Variants in KLF17 observed in about 807,000 individuals in gnomAD.
The protein encoded by KLF17 is KLF transcription factor 17, also known as Krueppel-like factor 17.
In KLF17, 31 loss-of-function variants were observed where a neutral mutation model predicts 34.2. The ratio of observed to expected loss-of-function variants is 0.91; its 90% CI spans 0.68 to 1.22. The LOEUF is 1.22. Among genes scored for constraint, KLF17 ranks in the 50% most tolerant of loss-of-function variants. The pLI is 0.00. For missense variants in KLF17, 478 were observed against 505.2 expected (o/e 0.95, Z 0.52); for synonymous variants, 179 against 186.7 (o/e 0.96, Z 0.34).
rs1350520506 is a variant in KLF17, at chr1:44,134,973, AT to A, written c.*1740del. ...GATATCTATCATACCTGCAAAAAAT[AT>A]TTTGTATATATCCAATTTAATAATA... is the stretch of plus-strand genomic sequence containing the variant. On this transcript the variant is annotated 3_prime_UTR_variant, in exon 4 of 4. Coordinates refer to ENST00000372299, the MANE Select transcript of KLF17 (RefSeq NM_173484.4). The A allele has an allele frequency of 1.3e-5, 2 of 152,176 alleles. No individual in the cohort carries two copies. The highest frequency in any genetic ancestry group is 4.1e-4 in the South Asian group (2 of 4,822). 9.4% of individuals were successfully genotyped at this position (152,176 alleles called of 1,614,324 possible). A position where few individuals can be genotyped will look rare whatever the true frequency, so the allele number is the denominator to read the frequency against.
At chr1:44,122,401 T>C (rs528801300) in intron 1 of KLF17, 39 of 1,590,500 alleles carry the variant, frequency 2.5e-5, no homozygotes, top group Non-Finnish European at 3.1e-5. Context: ...TTAAGATGTG[T>C]ATTCATGCTG....
the KLF17 span, among the ~76,000 whole-genome samples, chr1:44,107,853 T>A: frequency 6.6e-6 from 1 of 152,218 alleles, no homozygotes; most frequent in Non-Finnish European, 1.5e-5. Context: ...AACTTTATCA[T>A]AGGTATGTAC....
the KLF17 span, among the ~76,000 whole-genome samples, chr1:44,071,994 G>A: frequency 6.6e-6 from 1 of 151,740 alleles, no homozygotes; most frequent in Non-Finnish European, 1.5e-5. Context: ...TTTTTTTTGG[G>A]GGGGGACGGG....
At chr1:44,110,915 G>A in the KLF17 span, among the ~76,000 whole-genome samples, 1 of 151,820 alleles carries the variant, frequency 6.6e-6, no homozygotes, top group Admixed American at 6.6e-5. Context: ...TTGAGCCCAG[G>A]AGTTTGAGAC....
chr1:44,129,281 G>A, intron 1 of KLF17, 72 bp from the exon 2 acceptor site: 1 of 1,481,004 alleles, frequency 6.8e-7, no homozygotes, highest in East Asian at 2.3e-5. Flanking sequence ...TTAGGATGGG[G>A]TCTGGGGATG....
At chr1:44,126,262 C>T (rs532289795) in intron 1 of KLF17, among the ~76,000 whole-genome samples, 3 of 151,750 alleles carry the variant, frequency 2.0e-5, no homozygotes, top group South Asian at 2.1e-4. Context: ...TCTGACCTTG[C>T]GATCCACCCG....
Position 44,129,545 on chromosome 1 carries a change from C to A in KLF17, c.274C>A (p.Pro92Thr), listed in dbSNP as rs866116560. The A allele has an allele frequency of 3.1e-6, 5 of 1,613,416 alleles. No homozygotes were observed. Among genetic ancestry groups the A allele is most frequent in the Non-Finnish European group, 3.4e-6 (4 of 1,179,666 alleles). ...VNEGGPQFSM[P>T]LPERGMSYCP... Reference sequence around the variant, plus strand: ...TGAAGGGGGGCCACAGTTCAGTATGCCACTGCCTGAGCGTGGTATGAGCTA... The same window carrying A: ...TGAAGGGGGGCCACAGTTCAGTATGACACTGCCTGAGCGTGGTATGAGCTA... The change falls in exon 2 of 4, where the codon CCA (proline) becomes ACA (threonine). Residue 92 changes from proline to threonine, a missense_variant. Coordinates refer to ENST00000372299, the MANE Select transcript of KLF17 (RefSeq NM_173484.4).
the KLF17 span, among the ~76,000 whole-genome samples, chr1:44,054,520 G>A: frequency 3.8e-4 from 48 of 125,312 alleles, no homozygotes; most frequent in African/African-American, 1.4e-3. Flanking sequence ...TTGCTCTGTC[G>A]CCCGGGCTGG....
At chr1:44,065,943 T>C in the KLF17 span, among the ~76,000 whole-genome samples, 1 of 152,126 alleles carries the variant, frequency 6.6e-6, no homozygotes, top group Non-Finnish European at 1.5e-5. Context: ...GGATGGAAAA[T>C]ACTCAACTTT....
At chr1:44,104,402 G>T in the KLF17 span, 1 of 949,106 alleles carries the variant, frequency 1.1e-6, no homozygotes. Flanking sequence ...GCTGCAGGAG[G>T]CTCCACTTCG....
At chr1:44,094,830 T>C in the KLF17 span, among the ~76,000 whole-genome samples, 1 of 152,176 alleles carries the variant, frequency 6.6e-6, no homozygotes, top group Non-Finnish European at 1.5e-5. Flanking sequence ...GTTCTATGTC[T>C]TTTGTGGTTC....
At chr1:44,044,177 C>T in the KLF17 span, among the ~76,000 whole-genome samples, 2 of 152,190 alleles carry the variant, frequency 1.3e-5, no homozygotes, top group South Asian at 4.1e-4. Context: ...GCTCTGTGAC[C>T]CTGACTCTGG....
At chr1:44,130,460 C>T (rs2088094304) in intron 2 of KLF17, 52 bp from the exon 3 acceptor site, 6 of 1,609,082 alleles carry the variant, frequency 3.7e-6, no homozygotes, top group Non-Finnish European at 5.1e-6. Context: ...CAGAGTTAGA[C>T]CCCTTCCTTC....
chr1:44,091,927 A>C, the KLF17 span, among the ~76,000 whole-genome samples: 6 of 141,692 alleles, frequency 4.2e-5, no homozygotes, highest in Admixed American at 2.2e-4. Context: ...AAAAAAAAAA[A>C]CCCAAAAAAC....
chr1:44,095,121 T>C, the KLF17 span, among the ~76,000 whole-genome samples: 85 of 151,990 alleles, frequency 5.6e-4, no homozygotes, highest in African/African-American at 1.8e-3. Context: ...CAGGATGGTC[T>C]CAACCTCCTG....
At chr1:44,065,209 A>G in the KLF17 span, among the ~76,000 whole-genome samples, 6 of 151,814 alleles carry the variant, frequency 4.0e-5, no homozygotes, top group Admixed American at 2.0e-4. Flanking sequence ...AATCACTTGA[A>G]CCTGGGAGGC....
chr1:44,049,545 C>T, the KLF17 span, among the ~76,000 whole-genome samples: 3 of 152,346 alleles, frequency 2.0e-5, no homozygotes, highest in South Asian at 4.1e-4. Flanking sequence ...TGCAGTAGCA[C>T]GATCTCAGTT....
chr1:44,104,647 C>A, the KLF17 span: 1 of 498,038 alleles, frequency 2.0e-6, no homozygotes, highest in Non-Finnish European at 3.7e-6. Context: ...TGCTGCTGCC[C>A]AGTAGGGAGA....
chr1:44,082,541 C>A, the KLF17 span, among the ~76,000 whole-genome samples: 1 of 152,140 alleles, frequency 6.6e-6, no homozygotes, highest in South Asian at 2.1e-4. Flanking sequence ...AGATGAGGGA[C>A]ATTGGTATCA....
Sources: gnomAD v4.1 joint callset for allele counts (sites outside exome capture counted in the v4.1 genomes callset) on GRCh38, gnomAD v4.1.1 for gene constraint, MANE v1.5 for transcripts, NCBI Gene and HGNC (gene_info 2026-07-23, HGNC 2026-07-21) for gene names.